The following ARHGEF10 variants were observed in gnomAD, a reference collection of about 807,000 sequenced individuals.
ARHGEF10 encodes the protein Rho guanine nucleotide exchange factor (GEF) 10.
ARHGEF10 carries 140 observed loss-of-function variants against 147.4 expected under a neutral mutation model. The ratio of observed to expected loss-of-function variants is 0.95; its 90% CI spans 0.83 to 1.09. The LOEUF is 1.09. Among genes scored for constraint, ARHGEF10 ranks in the 50% least tolerant of loss-of-function variants. The pLI, the probability that ARHGEF10 is intolerant of heterozygous loss-of-function variation, is 0.00. For missense variants in ARHGEF10, 2,222 were observed against 1,752.7 expected (o/e 1.27, Z -4.78); for synonymous variants, 902 against 695.8 (o/e 1.30, Z -4.67).
intron 25 of ARHGEF10, among the ~76,000 whole-genome samples, chr8:1,932,724 C>T (rs556655640): frequency 6.6e-6 from 1 of 152,340 alleles, no homozygotes; most frequent in Non-Finnish European, 1.5e-5. Flanking sequence ...CCACAGAAGT[C>T]AGAGCTTGCA....
intron 18 of ARHGEF10, among the ~76,000 whole-genome samples, chr8:1,921,660 G>T (rs562530017): frequency 6.6e-6 from 1 of 152,166 alleles, no homozygotes. Flanking sequence ...GTTTGAACCC[G>T]GGAGGCAGAG....
chr8:1,931,031 T>C (rs2129229776), intron 25 of ARHGEF10, among the ~76,000 whole-genome samples: 1 of 152,350 alleles, frequency 6.6e-6, no homozygotes, highest in African/African-American at 2.4e-5. Context: ...ATGGACGGTT[T>C]TGTGTCTTCG....
chr8:1,835,700 A>G (rs1028167526), intron 1 of ARHGEF10, among the ~76,000 whole-genome samples: 2 of 152,196 alleles, frequency 1.3e-5, no homozygotes, highest in African/African-American at 2.4e-5. Context: ...AGACAGCACA[A>G]TTGCAGCACA....
chr8:1,867,072 T>C (rs1229758454), intron 6 of ARHGEF10, among the ~76,000 whole-genome samples: 1 of 152,006 alleles, frequency 6.6e-6, no homozygotes, highest in Non-Finnish European at 1.5e-5. Context: ...TGGTGTTTTC[T>C]TTTATCTAAT....
At chr8:1,851,428 T>C (rs1311868445) in intron 2 of ARHGEF10, among the ~76,000 whole-genome samples, 1 of 151,438 alleles carries the variant, frequency 6.6e-6, no homozygotes, top group African/African-American at 2.4e-5. Context: ...ACACACACCG[T>C]GGGCTTTAGT....
At chr8:1,925,897 G>A (rs1447474965) in intron 22 of ARHGEF10, among the ~76,000 whole-genome samples, 2 of 152,192 alleles carry the variant, frequency 1.3e-5, no homozygotes, top group Non-Finnish European at 2.9e-5. Flanking sequence ...CACTGACAAT[G>A]TCTTATTCTT....
rs138043149 is a variant in ARHGEF10, at chr8:1,858,085, G to A, written c.163G>A (p.Ala55Thr). 26 of 1,606,410 alleles carry A rather than the reference G, an allele frequency of 1.6e-5. No homozygotes were observed. Among genetic ancestry groups the A allele is most frequent in the South Asian group, 7.7e-5 (7 of 90,538 alleles). The change falls in exon 3 of 29, where the codon GCT becomes ACT. Residue 55 changes from alanine to threonine, a missense_variant. Ala to Thr is a moderately conservative substitution (Grantham distance 58). Coordinates refer to ENST00000349830, the MANE Select transcript of ARHGEF10 (RefSeq NM_014629.4). ...QAPSAPETGG[A>T]GASEAPAPTG... is the part of the protein sequence containing the mutation. ...CCCATCCGCCCCTGAGACAGGAGGT[G>A]CTGGAGCCAGTGAAGCCCCTGCACC...
At chr8:1,908,611 G>A (rs908915162) in intron 17 of ARHGEF10, among the ~76,000 whole-genome samples, 2 of 152,204 alleles carry the variant, frequency 1.3e-5, no homozygotes, top group African/African-American at 4.8e-5. Flanking sequence ...GGTTGATTCT[G>A]GAGGGTGGGA....
Position 1,869,185 on chromosome 8 carries a change from T to G in ARHGEF10, c.623-9T>G, listed in dbSNP as rs755364078. The G allele has an allele frequency of 1.2e-6, 2 of 1,612,732 alleles. No homozygotes were observed. Among genetic ancestry groups the G allele is most frequent in the Non-Finnish European group, 1.7e-6 (2 of 1,178,754 alleles). On this transcript the variant is annotated splice_polypyrimidine_tract_variant and intron_variant, in intron 6 of 28. Coordinates refer to ENST00000349830, the MANE Select transcript of ARHGEF10 (RefSeq NM_014629.4). Reference sequence around the variant, plus strand: ...CACTGTTTAAAGTGTTTCTCCCCGTTTATTGCAGATCCAGAGGAAGCAATT... The same window carrying G: ...CACTGTTTAAAGTGTTTCTCCCCGTGTATTGCAGATCCAGAGGAAGCAATT...
chr8:1,838,806 T>G (rs1329272791), intron 1 of ARHGEF10, among the ~76,000 whole-genome samples: 8 of 152,120 alleles, frequency 5.3e-5, no homozygotes, highest in African/African-American at 1.9e-4. Flanking sequence ...GGAAGCTGTC[T>G]GGCGTGGATG....
intron 27 of ARHGEF10, among the ~76,000 whole-genome samples, chr8:1,949,256 C>T (rs1422801963): frequency 1.3e-5 from 2 of 152,196 alleles, no homozygotes; most frequent in Non-Finnish European, 2.9e-5. Flanking sequence ...ATCCGTGAAT[C>T]TGTAGCTAAG....
rs1474397203 is a variant in ARHGEF10 at position 1,945,546 on chromosome 8, G to C, written c.3288G>C (p.Gly1096=). Residue 1096 remains glycine, a synonymous_variant, in exon 27 of 29, where the codon GGG becomes GGC. Transcript: ENST00000349830. ...CCCACATGGCCGTGTCCGGCGTCGGGATCTGGATTGCCTTCACCTCAGGGT... is the reference window on the plus strand; with the variant it reads ...CCCACATGGCCGTGTCCGGCGTCGGCATCTGGATTGCCTTCACCTCAGGGT... ...VISHMAVSGV[G]IWIAFTSGST... is the part of the protein sequence containing the mutation. 4.9e-5 allele frequency: 79 copies of C among 1,614,130 alleles called. No homozygotes were observed. The highest frequency in any genetic ancestry group is 6.2e-5 in the Non-Finnish European group (73 of 1,180,052).
intron 14 of ARHGEF10, among the ~76,000 whole-genome samples, chr8:1,897,949 A>G (rs1163509487): frequency 6.6e-6 from 1 of 152,040 alleles, no homozygotes; most frequent in Non-Finnish European, 1.5e-5. Flanking sequence ...TCTCCACTGC[A>G]CAGCCCCCTC....
chr8:1,902,570 T>A (rs1288737977), intron 15 of ARHGEF10, among the ~76,000 whole-genome samples: 1 of 151,290 alleles, frequency 6.6e-6, no homozygotes, highest in African/African-American at 2.4e-5. Context: ...AGTACAGAGG[T>A]TTCCCATCTA....
At chr8:1,943,785 G>A (rs528686997) in intron 26 of ARHGEF10, 116 of 152,322 alleles carry the variant, frequency 7.6e-4, no homozygotes, top group African/African-American at 2.6e-3. Context: ...TTTCTATGAG[G>A]AAACTACGGG....
chr8:1,887,745 T>TG (rs200802893), intron 11 of ARHGEF10, among the ~76,000 whole-genome samples: 10,156 of 138,416 alleles, frequency 0.073, 405 homozygotes, highest in East Asian at 0.19. Flanking sequence ...GATGAGGGTT[T>TG]TGAGGAGACA....
At chr8:1,931,419 G>C (rs1813133960) in intron 25 of ARHGEF10, among the ~76,000 whole-genome samples, 2 of 152,202 alleles carry the variant, frequency 1.3e-5, no homozygotes, top group Non-Finnish European at 2.9e-5. Flanking sequence ...TGGCTGCATT[G>C]CTGTCCTGTC....
intron 1 of ARHGEF10, among the ~76,000 whole-genome samples, chr8:1,831,512 A>G (rs1365257566): frequency 1.4e-5 from 2 of 143,496 alleles, no homozygotes; most frequent in Non-Finnish European, 3.0e-5. Flanking sequence ...CCGTGGAGGG[A>G]CAGTGTGACA....
At chr8:1,931,371 C>T (rs560965533) in intron 25 of ARHGEF10, among the ~76,000 whole-genome samples, 17 of 152,018 alleles carry the variant, frequency 1.1e-4, no homozygotes, top group Admixed American at 1.1e-3. Flanking sequence ...CCTTTTTTCC[C>T]CTGGGTTTAC....
Sources: allele counts gnomAD v4.1 joint callset (sites outside exome capture counted in the v4.1 genomes callset), GRCh38; gene constraint gnomAD v4.1.1; transcripts MANE v1.5; gene names NCBI Gene and HGNC (gene_info 2026-07-23, HGNC 2026-07-21).